DPYS: variants seen among roughly 807,000 people sequenced by gnomAD.
DPYS encodes the protein dihydropyrimidine amidohydrolase.
A neutral mutation model predicts 50.3 loss-of-function variants in DPYS; 39 were observed. That is an observed-to-expected ratio of 0.78 (90% confidence interval 0.60 to 1.01). The LOEUF is 1.01. DPYS is among the 50% of genes least tolerant of loss of function. DPYS has a pLI of 0.00. For missense variants in DPYS, 659 were observed against 680.9 expected (o/e 0.97, Z 0.36); for synonymous variants, 245 against 250.7 (o/e 0.98, Z 0.22).
At chr8:104,386,958 C>T (rs3793358) in intron 8 of DPYS, among the ~76,000 whole-genome samples, 29,023 of 152,034 alleles carry the variant, frequency 0.19, 3,374 homozygotes, top group East Asian at 0.39. Context: ...TTAGCAAGAT[C>T]AACAGAGAAG....
intron 2 of DPYS, among the ~76,000 whole-genome samples, chr8:104,449,800 CA>C (rs1325951672): frequency 1.3e-5 from 2 of 152,172 alleles, no homozygotes; most frequent in African/African-American, 4.8e-5. Context: ...AGGAAAGGAA[CA>C]GGTTCTCCCT....
intron 4 of DPYS, among the ~76,000 whole-genome samples, chr8:104,440,125 T>G (rs1472809122): frequency 7.4e-6 from 1 of 135,550 alleles, no homozygotes; most frequent in African/African-American, 2.7e-5. Context: ...ATAAAAGAGA[T>G]TAAAATACTA....
intron 2 of DPYS, 32 bp from the exon 3 acceptor site, chr8:104,447,535 T>C: frequency 6.2e-7 from 1 of 1,607,726 alleles, no homozygotes; most frequent in Non-Finnish European, 8.5e-7. Flanking sequence ...AACAACAATA[T>C]GTTACTCTAA....
intron 6 of DPYS, among the ~76,000 whole-genome samples, chr8:104,424,714 AG>A (rs1319076481): frequency 6.6e-6 from 1 of 152,216 alleles, no homozygotes; most frequent in Non-Finnish European, 1.5e-5. Flanking sequence ...TCTCCTTTAA[AG>A]TTTGACAATA....
intron 4 of DPYS, among the ~76,000 whole-genome samples, chr8:104,438,610 T>G (rs779737985): frequency 6.6e-6 from 1 of 152,142 alleles, no homozygotes; most frequent in African/African-American, 2.4e-5. Context: ...GAAGAATATT[T>G]CCATAATTTT....
chr8:104,452,991 T>TAC (rs1813804435), intron 1 of DPYS, among the ~76,000 whole-genome samples: 1 of 152,248 alleles, frequency 6.6e-6, no homozygotes, highest in Admixed American at 6.5e-5. Flanking sequence ...GTGGTCATGT[T>TAC]ACAACACAGG....
chr8:104,436,371 A>T (rs1481477750), intron 4 of DPYS, among the ~76,000 whole-genome samples: 3 of 152,198 alleles, frequency 2.0e-5, no homozygotes, highest in African/African-American at 7.2e-5. Context: ...GCACTGTGGG[A>T]GGCAGAGGTG....
At chr8:104,396,956 A>G (rs1811612170) in intron 7 of DPYS, among the ~76,000 whole-genome samples, 1 of 152,210 alleles carries the variant, frequency 6.6e-6, no homozygotes, top group South Asian at 2.1e-4. Flanking sequence ...TATTAACACA[A>G]AATGTAAATT....
intron 7 of DPYS, among the ~76,000 whole-genome samples, chr8:104,407,146 T>C (rs940661875): frequency 6.6e-6 from 1 of 152,220 alleles, no homozygotes; most frequent in East Asian, 1.9e-4. Context: ...CAATCCTCAT[T>C]ATTTTATTTA....
intron 1 of DPYS, among the ~76,000 whole-genome samples, chr8:104,463,096 A>G (rs770245784): frequency 9.2e-5 from 14 of 152,224 alleles, no homozygotes; most frequent in Non-Finnish European, 1.8e-4. Flanking sequence ...TTTGTCAGGT[A>G]TTATAAATGA....
chr8:104,394,586 T>C (rs1439109024), intron 7 of DPYS, among the ~76,000 whole-genome samples: 1 of 151,970 alleles, frequency 6.6e-6, no homozygotes, highest in Non-Finnish European at 1.5e-5. Context: ...CACTTCTTAC[T>C]GGCTTCTTTG....
At chr8:104,399,290 C>CAAAAAAAAAAAAAAAAAAAA in intron 7 of DPYS, among the ~76,000 whole-genome samples, 1 of 74,924 alleles carries the variant, frequency 1.3e-5, no homozygotes, top group Non-Finnish European at 2.3e-5. Context: ...GACTCCATCT[C>CAAAAAAAAAAAAAAAAAAAA]AAAAAAAAAA....
At position 104,454,152 on chromosome 8, in the gene DPYS, G is replaced by A. The variant is rs560265081; in HGVS notation, c.265-2748C>T. Among the ~76,000 whole-genome samples the A allele has an allele frequency of 5.3e-5, 8 of 152,262 alleles. No individual in the cohort carries two copies. The South Asian group carries it at 1.7e-3, about 32-fold the overall frequency. On this transcript the variant is annotated intron_variant, in intron 1 of 9. Coordinates refer to ENST00000351513, the MANE Select transcript of DPYS (RefSeq NM_001385.3). ...TGTAATCCCAGCACTTTGGGAACCTGAAGCAGGTGGATCACCTGAGGTCAG... is the reference window on the plus strand; with the variant it reads ...TGTAATCCCAGCACTTTGGGAACCTAAAGCAGGTGGATCACCTGAGGTCAG...
At chr8:104,431,624 A>T (rs1287746019) in intron 4 of DPYS, among the ~76,000 whole-genome samples, 1 of 152,128 alleles carries the variant, frequency 6.6e-6, no homozygotes, top group African/African-American at 2.4e-5. Flanking sequence ...AATTCAGCAT[A>T]ATTATGGGTT....
In DPYS at chr8:104,408,959, G is replaced by A. The variant is rs149175300; in HGVS notation, c.1235+15288C>T. Among the ~76,000 whole-genome samples, 6 of 151,660 alleles carry A rather than the reference G, an allele frequency of 4.0e-5. No homozygotes were observed. The East Asian group carries it at 7.9e-4, about 20-fold the overall frequency. ...CTCCCAGGTAGCTCGGATTACAGGCGCCGGCCACCACTCTCAGCTAATTTT... is the reference window on the plus strand; with the variant it reads ...CTCCCAGGTAGCTCGGATTACAGGCACCGGCCACCACTCTCAGCTAATTTT... On this transcript the variant is annotated intron_variant, in intron 7 of 9. Coordinates refer to ENST00000351513, the MANE Select transcript of DPYS (RefSeq NM_001385.3).
intron 7 of DPYS, chr8:104,419,830 G>C (rs1812486968): frequency 6.6e-6 from 1 of 151,998 alleles, no homozygotes; most frequent in Non-Finnish European, 1.5e-5. Context: ...ATCCCGGAAG[G>C]GAAAAAACAG....
At chr8:104,429,421 C>T in intron 5 of DPYS, 124 bp downstream of exon 5, 2 of 1,320,648 alleles carry the variant, frequency 1.5e-6, no homozygotes, top group Non-Finnish European at 2.1e-6. Flanking sequence ...GTACCCAGGA[C>T]CTGACAGGTC....
At chr8:104,426,695 A>C (rs1812734085) in intron 6 of DPYS, among the ~76,000 whole-genome samples, 1 of 152,244 alleles carries the variant, frequency 6.6e-6, no homozygotes, top group Non-Finnish European at 1.5e-5. Context: ...CAGAAGTCTA[A>C]CCAGGCAAGT....
chr8:104,428,993 G>A (rs1406224495), intron 5 of DPYS, among the ~76,000 whole-genome samples: 1 of 151,966 alleles, frequency 6.6e-6, no homozygotes, highest in Non-Finnish European at 1.5e-5. Context: ...ACCACGCCCA[G>A]CCAATTTTTG....
Sources: allele counts gnomAD v4.1 joint callset (sites outside exome capture counted in the v4.1 genomes callset), GRCh38; gene constraint gnomAD v4.1.1; transcripts MANE v1.5; gene names NCBI Gene and HGNC (gene_info 2026-07-23, HGNC 2026-07-21).